The following LUZP2 variants were observed in gnomAD, a reference collection of about 807,000 sequenced individuals.
LUZP2 encodes leucine zipper protein 2.
Under a neutral mutation model 51.6 loss-of-function variants are expected in LUZP2, and 52 were observed. That is an observed-to-expected ratio of 1.01 (90% CI 0.81 to 1.27). The LOEUF is 1.27. Ranked by LOEUF, LUZP2 falls within the 50% of genes most tolerant of loss-of-function variation. The pLI, the probability that LUZP2 is intolerant of heterozygous loss-of-function variation, is 0.00. For synonymous variants in LUZP2, 154 were observed against 137.3 expected, an observed-to-expected ratio of 1.12 and a Z score of -0.85; for missense variants, 436 against 395.4, an observed-to-expected ratio of 1.10 and a Z score of -0.87.
At chr11:24,748,348 G>A (rs1386408087) in intron 4 of LUZP2, among the ~76,000 whole-genome samples, 5 of 152,142 alleles carry the variant, frequency 3.3e-5, no homozygotes, top group Admixed American at 6.5e-5. Flanking sequence ...TTCAGGAGCC[G>A]AGGGTCTCCC....
At chr11:25,009,591 T>A (rs79041308) in intron 9 of LUZP2, among the ~76,000 whole-genome samples, 5 of 152,268 alleles carry the variant, frequency 3.3e-5, no homozygotes, top group African/African-American at 9.6e-5. Context: ...GGGATCACCA[T>A]GTCATTATAA....
At chr11:24,980,283 G>A (rs1183774478) in intron 8 of LUZP2, among the ~76,000 whole-genome samples, 1 of 108,786 alleles carries the variant, frequency 9.2e-6, no homozygotes, top group Admixed American at 9.7e-5. Context: ...CAGACAAAAT[G>A]CATTTTTTCT....
chr11:25,044,932 C>A, intron 9 of LUZP2, among the ~76,000 whole-genome samples: 1 of 151,006 alleles, frequency 6.6e-6, no homozygotes, highest in East Asian at 2.0e-4. Context: ...AACTGGAAAC[C>A]ATCATTCTCA....
At chr11:25,065,242 C>CACACAGTCATCACCTGGT (rs1858965013) in intron 10 of LUZP2, among the ~76,000 whole-genome samples, 1 of 152,038 alleles carries the variant, frequency 6.6e-6, no homozygotes, top group Non-Finnish European at 1.5e-5. Flanking sequence ...AAGCACCTGG[C>CACACAGTCATCACCTGGT]ACACAGTCAT....
intron 7 of LUZP2, among the ~76,000 whole-genome samples, chr11:24,939,853 T>A (rs1854693814): frequency 6.6e-6 from 1 of 152,126 alleles, no homozygotes; most frequent in Non-Finnish European, 1.5e-5. Flanking sequence ...ATGTTCAAGC[T>A]CCTGTTAGCT....
chr11:24,536,898 A>T (rs552964514), intron 1 of LUZP2, among the ~76,000 whole-genome samples: 54 of 151,914 alleles, frequency 3.6e-4, no homozygotes, highest in African/African-American at 1.3e-3. Context: ...AGTTCCTTTC[A>T]TTTGAATATT....
intron 1 of LUZP2, among the ~76,000 whole-genome samples, chr11:24,565,748 A>G (rs1852193872): frequency 6.6e-6 from 1 of 152,164 alleles, no homozygotes; most frequent in African/African-American, 2.4e-5. Flanking sequence ...GCAAGATAAT[A>G]CTAAAAAGTG....
chr11:24,729,208 C>A lies in LUZP2; in HGVS notation c.102C>A (p.Val34=). 1 of 1,577,810 alleles carries A rather than the reference C, an allele frequency of 6.3e-7. No homozygotes were observed. Residue 34 remains valine, a synonymous_variant, in exon 2 of 12, where the codon GTC becomes GTA. Transcript: ENST00000336930. The part of the protein sequence containing the change: ...YEELEKQLKE[V]FKERSTILRQ... ...AGCTAGAAAAGCAGCTGAAAGAAGT[C>A]TTTAAGGAGCGAAGCACCATTCTTC...
chr11:24,597,268 A>G (rs1853473865), intron 1 of LUZP2, among the ~76,000 whole-genome samples: 1 of 152,190 alleles, frequency 6.6e-6, no homozygotes, highest in South Asian at 2.1e-4. Flanking sequence ...TATCCAGTAA[A>G]CTGTTCATAT....
intron 1 of LUZP2, among the ~76,000 whole-genome samples, chr11:24,503,425 C>T (rs2133755836): frequency 6.6e-6 from 1 of 152,252 alleles, no homozygotes; most frequent in African/African-American, 2.4e-5. Context: ...AACTTTGCTT[C>T]ATGAGTATGA....
intron 9 of LUZP2, among the ~76,000 whole-genome samples, chr11:25,034,653 C>A (rs1268925092): frequency 6.6e-6 from 1 of 152,078 alleles, no homozygotes; most frequent in South Asian, 2.1e-4. Context: ...AGCCAGTTAT[C>A]CCAGTTCCAT....
chr11:24,584,290 C>T (rs964726357), intron 1 of LUZP2, among the ~76,000 whole-genome samples: 3 of 152,168 alleles, frequency 2.0e-5, no homozygotes, highest in Admixed American at 2.0e-4. Context: ...TCAACCCCAC[C>T]TCCACTCCTC....
intron 1 of LUZP2, among the ~76,000 whole-genome samples, chr11:24,582,083 A>G (rs1290502773): frequency 6.6e-6 from 1 of 152,116 alleles, no homozygotes; most frequent in Non-Finnish European, 1.5e-5. Flanking sequence ...CTCTTCTACC[A>G]CCTAATGTTA....
rs144435018 is a variant in LUZP2, at chr11:24,773,352, C to T, written c.396+10044C>T. Among the ~76,000 whole-genome samples, 236 of 152,058 alleles carry T rather than the reference C, an allele frequency of 1.6e-3. 1 individual carries two copies. Among genetic ancestry groups the T allele is most frequent in the African/African-American group, 5.5e-3 (230 of 41,510 alleles). On this transcript the variant is annotated intron_variant, in intron 5 of 11. Transcript: ENST00000336930. ...TACTGTTACCGAGAAGTACAGATCT[C>T]CTTGGTTCTTGTCTAACTTGGAAGG...
chr11:24,797,770 A>G (rs1235364082), intron 5 of LUZP2, among the ~76,000 whole-genome samples: 1 of 152,182 alleles, frequency 6.6e-6, no homozygotes, highest in Non-Finnish European at 1.5e-5. Context: ...GAAACAGCTG[A>G]CATAGTTTAG....
chr11:24,810,949 T>C (rs1199662988), intron 5 of LUZP2, among the ~76,000 whole-genome samples: 3 of 152,188 alleles, frequency 2.0e-5, no homozygotes, highest in Admixed American at 6.6e-5. Context: ...GTCTTCTCTT[T>C]AATTTCTCTG....
At chr11:24,808,336 A>G (rs1045529459) in intron 5 of LUZP2, among the ~76,000 whole-genome samples, 1 of 152,102 alleles carries the variant, frequency 6.6e-6, no homozygotes, top group Admixed American at 6.5e-5. Context: ...TCTTTTATTT[A>G]TTTAAGCTTC....
intron 6 of LUZP2, among the ~76,000 whole-genome samples, chr11:24,911,145 G>T (rs1312689482): frequency 6.6e-6 from 1 of 152,174 alleles, no homozygotes; most frequent in East Asian, 1.9e-4. Context: ...TTTACCCAAT[G>T]CCTGTACCCC....
chr11:24,936,421 AT>A (rs1278654175), intron 7 of LUZP2, among the ~76,000 whole-genome samples: 1 of 152,212 alleles, frequency 6.6e-6, no homozygotes, highest in Non-Finnish European at 1.5e-5. Flanking sequence ...AACCTTCACA[AT>A]GGAAGGCCGG....
Sources: allele counts gnomAD v4.1 joint callset (sites outside exome capture counted in the v4.1 genomes callset), GRCh38; gene constraint gnomAD v4.1.1; transcripts MANE v1.5; gene names NCBI Gene and HGNC (gene_info 2026-07-23, HGNC 2026-07-21).